The following ELP1 variants were observed in gnomAD, a reference collection of about 807,000 sequenced individuals.
ELP1 encodes elongator complex protein 1.
In ELP1, 131 loss-of-function variants were observed where a neutral mutation model predicts 183.2. The observed-to-expected ratio is 0.72, with a 90% CI of 0.62 to 0.83. The LOEUF (loss-of-function observed/expected upper bound fraction) is 0.83. Among genes scored for constraint, ELP1 ranks in the 40% least tolerant of loss-of-function variants. The pLI, the probability that ELP1 is intolerant of heterozygous loss-of-function variation, is 0.00. For synonymous variants in ELP1, 555 were observed against 569.0 expected (o/e 0.98, Z 0.35); for missense variants, 1,550 against 1,594.9 (o/e 0.97, Z 0.48).
At chr9:108,926,374 C>T (rs1423975511) in intron 5 of ELP1, 149 bp downstream of exon 5, 1 of 704,368 alleles carries the variant, frequency 1.4e-6, no homozygotes, top group Non-Finnish European at 2.5e-6. Flanking sequence ...TTGGGATGGG[C>T]TGAAGGAACT....
At chr9:108,921,257 C>T (rs1184749159) in intron 6 of ELP1, among the ~76,000 whole-genome samples, 1 of 152,110 alleles carries the variant, frequency 6.6e-6, no homozygotes, top group Non-Finnish European at 1.5e-5. Context: ...AGCAGTCACC[C>T]CTTCCCCACC....
chr9:108,875,500 C>T (rs1827675959), intron 35 of ELP1: 1 of 257,530 alleles, frequency 3.9e-6, no homozygotes, highest in Non-Finnish European at 7.7e-6. Context: ...CCCTTGGTGG[C>T]ACACTCTCAA....
At chr9:108,921,255 C>A (rs186283449) in intron 6 of ELP1, among the ~76,000 whole-genome samples, 6 of 152,200 alleles carry the variant, frequency 3.9e-5, no homozygotes, top group Admixed American at 2.0e-4. Context: ...TTAGCAGTCA[C>A]CCCTTCCCCA....
At chr9:108,900,807 CCA>C (rs140238492) in intron 18 of ELP1, among the ~76,000 whole-genome samples, 3,233 of 127,846 alleles carry the variant, frequency 0.025, 104 homozygotes, top group East Asian at 0.067. Flanking sequence ...CACATACACG[CCA>C]CACACACATA....
chr9:108,879,116 T>C (rs570695250), intron 33 of ELP1, among the ~76,000 whole-genome samples: 1 of 152,342 alleles, frequency 6.6e-6, no homozygotes, highest in African/African-American at 2.4e-5. Flanking sequence ...AAGAAGCTTA[T>C]CTTTTCATTT....
chr9:108,891,429 T>G, intron 27 of ELP1, 25 bp from the exon 28 acceptor site: 1 of 1,601,094 alleles, frequency 6.2e-7, no homozygotes, highest in Non-Finnish European at 8.5e-7. Flanking sequence ...GATTTAGGAC[T>G]GAGGAGGAAA....
chr9:108,892,114 G>A (rs1044608165), intron 27 of ELP1, among the ~76,000 whole-genome samples: 4 of 152,156 alleles, frequency 2.6e-5, no homozygotes, highest in African/African-American at 9.7e-5. Context: ...CCTGGTGGAG[G>A]CGACAAACCA....
intron 6 of ELP1, 36 bp from the exon 7 acceptor site, chr9:108,919,385 AC>A: frequency 2.9e-6 from 4 of 1,387,622 alleles, no homozygotes; most frequent in Non-Finnish European, 4.1e-6. Context: ...TTACTGGGGG[AC>A]CTTAAGTATC....
At chr9:108,885,091 A>G (rs1828075071) in intron 29 of ELP1, among the ~76,000 whole-genome samples, 1 of 152,054 alleles carries the variant, frequency 6.6e-6, no homozygotes. Flanking sequence ...TAAAAAAACA[A>G]CAACAACAAA....
chr9:108,919,819 C>T (rs534690944), intron 6 of ELP1, among the ~76,000 whole-genome samples: 3 of 152,224 alleles, frequency 2.0e-5, no homozygotes, highest in East Asian at 1.9e-4. Context: ...CAGACAATGA[C>T]GAAAACATGG....
intron 24 of ELP1, 92 bp from the exon 25 acceptor site, chr9:108,896,736 CT>C (rs1828563621): frequency 8.8e-6 from 11 of 1,256,364 alleles, no homozygotes; most frequent in Non-Finnish European, 1.2e-5. Flanking sequence ...ATAAATTTTT[CT>C]CAATAGAACT....
chr9:108,869,050 G>A lies in ELP1; in HGVS notation c.*65C>T, dbSNP rs1195296121. ...ATAGCCAGCCCTCAAAGAGCAAGGG[G>A]TGGTAGGACAACAGGAATGAGTGGA... is the stretch of plus-strand genomic sequence containing the variant. On this transcript the variant is annotated 3_prime_UTR_variant, in exon 37 of 37. Transcript: ENST00000374647. 3.3e-5 allele frequency: 46 copies of A among 1,381,226 alleles called. No homozygotes were observed. The highest frequency in any genetic ancestry group is 4.7e-5 in the Non-Finnish European group (45 of 967,284). 85.6% of individuals were successfully genotyped at this position (1,381,226 alleles called of 1,614,324 possible). A position where few individuals can be genotyped will look rare whatever the true frequency, so the allele number is the denominator to read the frequency against.
intron 19 of ELP1, 106 bp from the exon 20 acceptor site, chr9:108,900,001 T>G: frequency 1.1e-6 from 1 of 940,528 alleles, no homozygotes; most frequent in Non-Finnish European, 1.7e-6. Context: ...CACAACTCTC[T>G]AAAATCAGCA....
chr9:108,906,584 C>T (rs1337612672), intron 13 of ELP1, 99 bp from the exon 14 acceptor site: 1 of 926,882 alleles, frequency 1.1e-6, no homozygotes, highest in Non-Finnish European at 1.7e-6. Context: ...TGTATACAGT[C>T]CACTCCTAAT....
In ELP1 at chr9:108,917,638, T is replaced by C. The variant is rs1206581781; in HGVS notation, c.773A>G (p.Asp258Gly). ...CACAATATCCTGCTGGTTGGGTTTA[T>C]CTTGTGTAGATGCAATCAAACTGCC... ...PSGSLIASTQ[D>G]KPNQQDIVFF... Residue 258 changes from aspartate (D) to glycine (G), a missense_variant, in exon 9 of 37, where the codon GAT becomes GGT. Asp to Gly is a moderately conservative substitution (Grantham distance 94, BLOSUM62 -1). Transcript: ENST00000374647. 3.7e-6 allele frequency: 6 copies of C among 1,614,016 alleles called. No individual in the cohort carries two copies. Among genetic ancestry groups the C allele is most frequent in the African/African-American group, 1.3e-5 (1 of 74,928 alleles).
chr9:108,907,229 T>C (rs1386152755), intron 13 of ELP1, among the ~76,000 whole-genome samples: 1 of 152,060 alleles, frequency 6.6e-6, no homozygotes, highest in East Asian at 1.9e-4. Context: ...ACCTATCCCT[T>C]CCCCAAGATC....
chr9:108,913,942 G>T (rs1053736434), intron 10 of ELP1, among the ~76,000 whole-genome samples: 1 of 152,112 alleles, frequency 6.6e-6, no homozygotes, highest in African/African-American at 2.4e-5. Context: ...AAATCACTTG[G>T]GGGCTTTTGG....
intron 29 of ELP1, among the ~76,000 whole-genome samples, chr9:108,885,894 T>C (rs1382131584): frequency 6.6e-6 from 1 of 151,932 alleles, no homozygotes; most frequent in Non-Finnish European, 1.5e-5. Flanking sequence ...GGGCTAAGGG[T>C]GGAAAAGTAC....
chr9:108,908,392 C>T lies in ELP1; in HGVS notation c.1373G>A (p.Ser458Asn), dbSNP rs1829094500. The T allele has an allele frequency of 1.2e-6, 2 of 1,613,996 alleles. No individual in the cohort carries two copies. The highest frequency in any genetic ancestry group is 3.3e-4 in the Middle Eastern group (2 of 6,062). The change falls in exon 13 of 37, where the codon AGT (serine) becomes AAT (asparagine). Residue 458 changes from serine to asparagine, a missense_variant. Ser to Asn is a conservative substitution (Grantham distance 46, BLOSUM62 1). Coordinates refer to ENST00000374647, the MANE Select transcript of ELP1 (RefSeq NM_003640.5). ...TCCCAGTTTCACTGTAGGGTCAGCACTTGGACAATCACCTGGAAAACAAAA... is the reference window on the plus strand; with the variant it reads ...TCCCAGTTTCACTGTAGGGTCAGCATTTGGACAATCACCTGGAAAACAAAA... ...ISVYKCGDCP[S>N]ADPTVKLGAV...
Sources: allele counts gnomAD v4.1 joint callset (sites outside exome capture counted in the v4.1 genomes callset), GRCh38; gene constraint gnomAD v4.1.1; transcripts MANE v1.5; gene names NCBI Gene and HGNC (gene_info 2026-07-23, HGNC 2026-07-21).